ARFIP1: variants seen among roughly 807,000 people sequenced by gnomAD.
ARFIP1 encodes the protein ARF interacting protein 1.
Under a neutral mutation model 42.5 loss-of-function variants are expected in ARFIP1, and 24 were observed. That is an observed-to-expected ratio of 0.57 (90% confidence interval 0.41 to 0.80). The LOEUF is 0.80. ARFIP1 is among the 30% of genes least tolerant of loss of function. ARFIP1 has a pLI of 0.00. For synonymous variants in ARFIP1, 141 were observed against 153.7 expected (o/e 0.92, Z 0.61); for missense variants, 354 against 434.0 (o/e 0.82, Z 1.64).
intron 7 of ARFIP1, among the ~76,000 whole-genome samples, chr4:152,887,020 A>G (rs924199033): frequency 5.3e-5 from 8 of 152,014 alleles, no homozygotes. Context: ...GTTAATTCCC[A>G]GAATAGGAGA....
chr4:152,819,436 A>C (rs1730177610), intron 1 of ARFIP1, among the ~76,000 whole-genome samples: 2 of 152,050 alleles, frequency 1.3e-5, no homozygotes, highest in South Asian at 4.1e-4. Flanking sequence ...TCCCACCCCC[A>C]TCGGAGCTGC....
At chr4:152,901,765 G>A (rs533588077) in intron 8 of ARFIP1, among the ~76,000 whole-genome samples, 1 of 152,062 alleles carries the variant, frequency 6.6e-6, no homozygotes, top group African/African-American at 2.4e-5. Flanking sequence ...TTCCTACTCT[G>A]TAAATATGGG....
rs1738801515 is a variant in ARFIP1 at position 152,910,942 on chromosome 4, T to C, written c.*723T>C. On this transcript the variant is annotated 3_prime_UTR_variant, in exon 9 of 9. Coordinates refer to ENST00000353617, the MANE Select transcript of ARFIP1 (RefSeq NM_001025595.3). Reference sequence around the variant, plus strand: ...TCTTTTGGTTCATAACAAAACCTGCTTAAGAGAATTTTTTTTTTTGACAGG... The same window carrying C: ...TCTTTTGGTTCATAACAAAACCTGCCTAAGAGAATTTTTTTTTTTGACAGG... 1 of 152,642 alleles carries C rather than the reference T, an allele frequency of 6.6e-6. No homozygotes were observed. Among genetic ancestry groups the C allele is most frequent in the Admixed American group, 6.5e-5 (1 of 15,284 alleles). The allele number at this position is 152,642 out of a possible 1,614,324, so 9.5% of individuals were successfully genotyped here.
In ARFIP1 at chr4:152,906,884, C is replaced by G. The variant is rs575314726; in HGVS notation, c.967-3180C>G. 3.3e-5 allele frequency among the ~76,000 whole-genome samples: 5 copies of G among 152,270 alleles called. No homozygotes were observed. In the East Asian group the frequency reaches 9.6e-4, roughly 29 times the overall value. On this transcript the variant is annotated intron_variant, in intron 8 of 8. Coordinates refer to ENST00000353617, the MANE Select transcript of ARFIP1 (RefSeq NM_001025595.3). ...CTCAGGCCGTTTGAACTTGCTATTTCCTCTGTGTGGAATGTTTTTCTTCCA... is the reference window on the plus strand; with the variant it reads ...CTCAGGCCGTTTGAACTTGCTATTTGCTCTGTGTGGAATGTTTTTCTTCCA...
At chr4:152,862,418 TGATTAA>T in intron 2 of ARFIP1, among the ~76,000 whole-genome samples, 1 of 151,962 alleles carries the variant, frequency 6.6e-6, no homozygotes, top group African/African-American at 2.4e-5. Flanking sequence ...TGCCTTCACC[TGATTAA>T]GATGTGTATG....
At chr4:152,803,982 TA>T (rs1157657011) in intron 1 of ARFIP1, among the ~76,000 whole-genome samples, 12 of 139,584 alleles carry the variant, frequency 8.6e-5, no homozygotes, top group Admixed American at 4.0e-4. Context: ...GTATTATATA[TA>T]TTTTATATAT....
intron 1 of ARFIP1, among the ~76,000 whole-genome samples, chr4:152,788,612 C>T (rs1314434739): frequency 3.3e-5 from 5 of 152,058 alleles, no homozygotes; most frequent in Admixed American, 1.3e-4. Context: ...GCCCAGGAGG[C>T]GGAGGTTGCA....
intron 2 of ARFIP1, among the ~76,000 whole-genome samples, chr4:152,856,780 A>G (rs913709186): frequency 2.0e-5 from 3 of 152,174 alleles, no homozygotes; most frequent in Non-Finnish European, 2.9e-5. Flanking sequence ...ACTCACTAAA[A>G]CATAAGCCAC....
At chr4:152,831,323 G>T (rs1731225075) in intron 2 of ARFIP1, among the ~76,000 whole-genome samples, 1 of 152,182 alleles carries the variant, frequency 6.6e-6, no homozygotes, top group South Asian at 2.1e-4. Context: ...TCATCAGGTA[G>T]TTGATATTTT....
At chr4:152,795,819 A>ATTTTTTTTTTTTTT (rs1255846759) in intron 1 of ARFIP1, among the ~76,000 whole-genome samples, 2 of 16,774 alleles carry the variant, frequency 1.2e-4, no homozygotes, top group Non-Finnish European at 2.3e-4. Flanking sequence ...GGGCCCTTGT[A>ATTTTTTTTTTTTTT]ATTTTTTTTT....
chr4:152,815,761 T>C (rs1729824709), intron 1 of ARFIP1, among the ~76,000 whole-genome samples: 1 of 146,540 alleles, frequency 6.8e-6, no homozygotes, highest in South Asian at 2.2e-4. Flanking sequence ...TTTTTTTTTT[T>C]TGAGACGGAG....
At chr4:152,792,398 A>G (rs1330913202) in intron 1 of ARFIP1, among the ~76,000 whole-genome samples, 3 of 150,540 alleles carry the variant, frequency 2.0e-5, no homozygotes, top group African/African-American at 4.9e-5. Context: ...TTTAGATTCT[A>G]TATTTAGTGA....
chr4:152,841,124 C>T (rs908245874), intron 2 of ARFIP1, among the ~76,000 whole-genome samples: 1 of 151,892 alleles, frequency 6.6e-6, no homozygotes, highest in Non-Finnish European at 1.5e-5. Flanking sequence ...CAACCTCCAC[C>T]TCCCGGGTTC....
Position 152,872,435 on chromosome 4 carries a change from C to G in ARFIP1, c.299-17C>G. The G allele has an allele frequency of 6.6e-7, 1 of 1,519,376 alleles. No individual in the cohort carries two copies. Among genetic ancestry groups the G allele is most frequent in the South Asian group, 1.2e-5 (1 of 86,888 alleles). 94.1% of individuals were successfully genotyped at this position (1,519,376 alleles called of 1,614,324 possible). A position where few individuals can be genotyped will look rare whatever the true frequency, so the allele number is the denominator to read the frequency against. ...GTCTTCATCTGGATTGTGTTTTTAT[C>G]TTTTGTTATCTTGCAGGTGGCCAGA... On this transcript the variant is annotated splice_polypyrimidine_tract_variant and intron_variant, in intron 4 of 8. Coordinates refer to ENST00000353617, the MANE Select transcript of ARFIP1 (RefSeq NM_001025595.3).
At chr4:152,888,334 T>C in intron 8 of ARFIP1, 27 bp downstream of exon 8, 2 of 1,504,664 alleles carry the variant, frequency 1.3e-6, no homozygotes, top group South Asian at 1.3e-5. Context: ...CTAAGGTCTT[T>C]CTGTGGACTT....
chr4:152,866,576 CTGGCCGGGCGGG>C (rs1734381260), intron 3 of ARFIP1, among the ~76,000 whole-genome samples: 3 of 151,228 alleles, frequency 2.0e-5, no homozygotes, highest in Non-Finnish European at 4.4e-5. Flanking sequence ...GACGGGGCGG[CTGGCCGGGCGGG>C]GGCTGACCCC....
intron 1 of ARFIP1, among the ~76,000 whole-genome samples, chr4:152,780,851 A>G (rs573076044): frequency 7.2e-5 from 11 of 152,184 alleles, no homozygotes; most frequent in Non-Finnish European, 1.6e-4. Context: ...CAGTTTTTAG[A>G]TGCTAGACGT....
chr4:152,812,182 A>G (rs1222872375), intron 1 of ARFIP1, among the ~76,000 whole-genome samples: 2 of 152,052 alleles, frequency 1.3e-5, no homozygotes, highest in Non-Finnish European at 2.9e-5. Flanking sequence ...TCTTTTTTGC[A>G]GTATCTTCTG....
At chr4:152,831,753 A>T (rs139018668) in intron 2 of ARFIP1, among the ~76,000 whole-genome samples, 3 of 152,246 alleles carry the variant, frequency 2.0e-5, no homozygotes, top group African/African-American at 7.2e-5. Flanking sequence ...ATTGTTGCTT[A>T]TAGCAGTTTT....
Sources: gnomAD v4.1 joint callset for allele counts (sites outside exome capture counted in the v4.1 genomes callset) on GRCh38, gnomAD v4.1.1 for gene constraint, MANE v1.5 for transcripts, NCBI Gene and HGNC (gene_info 2026-07-23, HGNC 2026-07-21) for gene names.